The following PRKD1 variants were observed in gnomAD, a reference collection of about 807,000 sequenced individuals.
The protein encoded by PRKD1 is protein kinase D1.
PRKD1 carries 63 observed loss-of-function variants against 95.9 expected under a neutral mutation model. That is an observed-to-expected ratio of 0.66 (90% CI 0.54 to 0.81). The LOEUF (loss-of-function observed/expected upper bound fraction) is 0.81, where lower values mean the gene tolerates loss of function less well. Among genes scored for constraint, PRKD1 ranks in the 30% least tolerant of loss-of-function variants. PRKD1 has a pLI of 0.00. For missense variants in PRKD1, 1,048 were observed against 1,165.3 expected, an observed-to-expected ratio of 0.90 and a Z score of 1.47; for synonymous variants, 425 against 423.1, an observed-to-expected ratio of 1.00 and a Z score of -0.05.
chr14:29,867,068 T>C (rs886842566), intron 1 of PRKD1, among the ~76,000 whole-genome samples: 6 of 152,220 alleles, frequency 3.9e-5, no homozygotes, highest in African/African-American at 1.2e-4. Flanking sequence ...TGCAATCTTT[T>C]ATCTTTCTGG....
At chr14:29,812,217 T>C (rs1038987962) in intron 1 of PRKD1, among the ~76,000 whole-genome samples, 2 of 152,172 alleles carry the variant, frequency 1.3e-5, no homozygotes, top group Admixed American at 1.3e-4. Flanking sequence ...TACAACTCCA[T>C]ATTATAATTA....
chr14:29,852,265 T>A (rs1892338399), intron 1 of PRKD1, among the ~76,000 whole-genome samples: 1 of 151,842 alleles, frequency 6.6e-6, no homozygotes, highest in Admixed American at 6.6e-5. Context: ...GTGGATAAAA[T>A]GAAAATATCA....
At chr14:29,606,894 C>A (rs1419782802) in intron 13 of PRKD1, among the ~76,000 whole-genome samples, 1 of 152,208 alleles carries the variant, frequency 6.6e-6, no homozygotes. Flanking sequence ...ATTTCAGGAG[C>A]AAGTTCTCTG....
intron 4 of PRKD1, among the ~76,000 whole-genome samples, chr14:29,651,118 G>A (rs894862325): frequency 6.6e-6 from 1 of 152,152 alleles, no homozygotes; most frequent in African/African-American, 2.4e-5. Flanking sequence ...CTGAAACAAC[G>A]TGGTAAGACC....
At chr14:29,814,400 T>C (rs1462556251) in intron 1 of PRKD1, among the ~76,000 whole-genome samples, 1 of 152,198 alleles carries the variant, frequency 6.6e-6, no homozygotes, top group Non-Finnish European at 1.5e-5. Flanking sequence ...AGGAGCGCAG[T>C]GCTGGCTGAC....
intron 1 of PRKD1, among the ~76,000 whole-genome samples, chr14:29,906,595 T>C (rs1452649484): frequency 6.6e-6 from 1 of 151,978 alleles, no homozygotes; most frequent in African/African-American, 2.4e-5. Context: ...ATGTAAAATG[T>C]AAAAAGTTAA....
At chr14:29,760,234 TAAAAAA>T (rs1316184819) in intron 1 of PRKD1, among the ~76,000 whole-genome samples, 5 of 151,702 alleles carry the variant, frequency 3.3e-5, no homozygotes. Context: ...TTTATGCCAA[TAAAAAA>T]CCACACACAT....
chr14:29,610,676 G>A (rs1204140661), intron 13 of PRKD1, among the ~76,000 whole-genome samples: 1 of 152,198 alleles, frequency 6.6e-6, no homozygotes, highest in Admixed American at 6.5e-5. Flanking sequence ...ACCCAAAGAA[G>A]TTTAAAACTT....
intron 15 of PRKD1, 110 bp from the exon 16 acceptor site, chr14:29,597,868 AT>A: frequency 9.0e-7 from 1 of 1,110,026 alleles, no homozygotes; most frequent in East Asian, 2.6e-5. Context: ...TTACCTTTAC[AT>A]TAAATGATAT....
intron 2 of PRKD1, among the ~76,000 whole-genome samples, chr14:29,713,688 A>G (rs1885448123): frequency 6.6e-6 from 1 of 152,172 alleles, no homozygotes; most frequent in Non-Finnish European, 1.5e-5. Flanking sequence ...ATATTTTATC[A>G]TAATACTGCA....
At chr14:29,875,767 T>C (rs915016385) in intron 1 of PRKD1, among the ~76,000 whole-genome samples, 4 of 152,232 alleles carry the variant, frequency 2.6e-5, no homozygotes, top group African/African-American at 9.6e-5. Flanking sequence ...TTTTCTTTGC[T>C]TATCTGTAAA....
chr14:29,645,539 C>T (rs1012019662), intron 4 of PRKD1, among the ~76,000 whole-genome samples: 1 of 152,094 alleles, frequency 6.6e-6, no homozygotes, highest in African/African-American at 2.4e-5. Flanking sequence ...AAGAACAGTG[C>T]AGAGTAACAG....
intron 1 of PRKD1, among the ~76,000 whole-genome samples, chr14:29,922,332 A>C (rs1895147786): frequency 6.6e-6 from 1 of 151,790 alleles, no homozygotes; most frequent in South Asian, 2.1e-4. Flanking sequence ...GTAAAGAAAA[A>C]AAGAAAAATG....
At chr14:29,636,617 T>G in intron 6 of PRKD1, 123 bp from the exon 7 acceptor site, 1 of 886,986 alleles carries the variant, frequency 1.1e-6, no homozygotes, top group Non-Finnish European at 1.7e-6. Flanking sequence ...TGTGATGAGT[T>G]TATTTTTTAT....
At chr14:29,888,081 A>ACT (rs1893796807) in intron 1 of PRKD1, among the ~76,000 whole-genome samples, 1 of 152,144 alleles carries the variant, frequency 6.6e-6, no homozygotes, top group Non-Finnish European at 1.5e-5. Context: ...TAAGAGGATC[A>ACT]CTTGAGTCCA....
At chr14:29,635,799 G>A (rs1401719935) in intron 7 of PRKD1, among the ~76,000 whole-genome samples, 2 of 152,166 alleles carry the variant, frequency 1.3e-5, no homozygotes, top group East Asian at 3.9e-4. Context: ...TATAAAAAGT[G>A]GGGATCATCC....
At chr14:29,785,894 A>G (rs1466004307) in intron 1 of PRKD1, among the ~76,000 whole-genome samples, 1 of 150,760 alleles carries the variant, frequency 6.6e-6, no homozygotes, top group African/African-American at 2.4e-5. Context: ...AAAAAAAAGG[A>G]AAGTGGGCAT....
chr14:29,599,158 G>C, intron 14 of PRKD1, 33 bp from the exon 15 acceptor site: 1 of 1,563,920 alleles, frequency 6.4e-7, no homozygotes, highest in Non-Finnish European at 8.8e-7. Flanking sequence ...TTTCATTCCA[G>C]TTTATTAATT....
At chr14:29,742,207 G>GA (rs1370661215) in intron 1 of PRKD1, among the ~76,000 whole-genome samples, 29 of 152,008 alleles carry the variant, frequency 1.9e-4, no homozygotes, top group African/African-American at 4.8e-4. Flanking sequence ...ACGGCTTCTG[G>GA]AAAAAAATGC....
Sources: gnomAD v4.1 joint callset for allele counts (sites outside exome capture counted in the v4.1 genomes callset) on GRCh38, gnomAD v4.1.1 for gene constraint, MANE v1.5 for transcripts, NCBI Gene and HGNC (gene_info 2026-07-23, HGNC 2026-07-21) for gene names.